Variants in PUDP observed in about 807,000 individuals in gnomAD.
PUDP encodes pseudouridine-5'-phosphatase.
PUDP carries 8 observed loss-of-function variants against 9.4 expected under a neutral mutation model. The observed-to-expected ratio is 0.85, with a 90% CI of 0.50 to 1.53. The LOEUF (loss-of-function observed/expected upper bound fraction) is 1.53. PUDP is among the 40% of genes most tolerant of loss of function. PUDP has a pLI of 0.00. For missense variants in PUDP, 188 were observed against 189.7 expected (o/e 0.99, Z 0.05); for synonymous variants, 99 against 80.7 (o/e 1.23, Z -1.22).
chrX:6,883,298 G>A (rs1927374324), intron 3 of PUDP, among the ~76,000 whole-genome samples: 1 of 111,224 alleles, frequency 9.0e-6, no homozygotes, highest in Non-Finnish European at 1.9e-5. Context: ...AAGGCAGGTG[G>A]ATCACTTGAG....
chrX:6,969,262 C>A (rs955583241), intron 3 of PUDP, among the ~76,000 whole-genome samples: 3 of 112,029 alleles, frequency 2.7e-5, no homozygotes, highest in Non-Finnish European at 5.6e-5. Flanking sequence ...TAGTCATGGG[C>A]CGGCATTTCA....
intron 1 of PUDP, among the ~76,000 whole-genome samples, chrX:7,029,954 G>A (rs1056929358): frequency 5.4e-5 from 6 of 110,298 alleles, no homozygotes; most frequent in Admixed American, 4.9e-4. Context: ...AATCCTCAGA[G>A]GACTATTTCT....
At chrX:7,045,517 C>T (rs1602727035), downstream of PUDP, among the ~76,000 whole-genome samples, 1 of 112,032 alleles carries the variant, frequency 8.9e-6, no homozygotes, top group East Asian at 2.8e-4. Flanking sequence ...TTCAAGCTCC[C>T]CAGTCGTCCC....
intron 3 of PUDP, among the ~76,000 whole-genome samples, chrX:6,957,242 C>A (rs776210967): frequency 4.5e-5 from 5 of 110,859 alleles, no homozygotes; most frequent in Non-Finnish European, 5.7e-5. Flanking sequence ...CCTGGAAGTT[C>A]AGGCATTGGA....
At chrX:7,022,215 G>A (rs1288272733) in intron 1 of PUDP, among the ~76,000 whole-genome samples, 1 of 111,483 alleles carries the variant, frequency 9.0e-6, no homozygotes, top group African/African-American at 3.3e-5. Context: ...AGTCCTGAGG[G>A]CAAAGGTGAT....
At chrX:6,749,068 A>G (rs995879984) in intron 3 of PUDP, among the ~76,000 whole-genome samples, 1 of 112,179 alleles carries the variant, frequency 8.9e-6, no homozygotes, top group Non-Finnish European at 1.9e-5. Flanking sequence ...TGAAGAAAGA[A>G]TGCAGGTATA....
intron 1 of PUDP, among the ~76,000 whole-genome samples, chrX:7,119,450 T>G (rs993326987): frequency 8.9e-6 from 1 of 112,698 alleles, no homozygotes. Flanking sequence ...AATGAATAAT[T>G]AAGCATAAAA....
chrX:6,801,573 C>T (rs781141307), intron 3 of PUDP, among the ~76,000 whole-genome samples: 2 of 111,110 alleles, frequency 1.8e-5, no homozygotes, highest in South Asian at 3.9e-4. Flanking sequence ...GTCAGTCCCC[C>T]TCGCCACACA....
chrX:6,978,351 A>AAGAG (rs5901332), intron 1 of PUDP, among the ~76,000 whole-genome samples: 1 of 109,137 alleles, frequency 9.2e-6, no homozygotes, highest in Admixed American at 9.8e-5. Flanking sequence ...TTTCTAAAAA[A>AAGAG]AGAGAGAGAG....
At chrX:6,774,638 T>C (rs765072603) in intron 3 of PUDP, among the ~76,000 whole-genome samples, 37 of 111,963 alleles carry the variant, frequency 3.3e-4, no homozygotes, top group African/African-American at 1.2e-3. Context: ...TTGGAGAGTC[T>C]CTGTTTCTGA....
At chrX:6,851,629 T>C (rs1926828569) in intron 3 of PUDP, among the ~76,000 whole-genome samples, 1 of 112,086 alleles carries the variant, frequency 8.9e-6, no homozygotes, top group Non-Finnish European at 1.9e-5. Context: ...TTTTAGCATG[T>C]AACACACAAT....
At chrX:6,804,538 T>C in intron 3 of PUDP, among the ~76,000 whole-genome samples, 1 of 112,085 alleles carries the variant, frequency 8.9e-6, no homozygotes, top group Non-Finnish European at 1.9e-5. Flanking sequence ...ACAAAAGTAC[T>C]GGAGATCCTC....
chrX:6,842,845 T>C (rs1481845074), intron 3 of PUDP, among the ~76,000 whole-genome samples: 1 of 112,406 alleles, frequency 8.9e-6, no homozygotes, highest in Non-Finnish European at 1.9e-5. Flanking sequence ...TTTAGTCTCA[T>C]TGGCTTCGGA....
At chrX:6,936,164 A>G (rs1435588668) in intron 3 of PUDP, among the ~76,000 whole-genome samples, 5 of 102,170 alleles carry the variant, frequency 4.9e-5, no homozygotes, top group Non-Finnish European at 8.0e-5. Flanking sequence ...TACCAAAGCC[A>G]GGCAGAGACA....
intron 3 of PUDP, among the ~76,000 whole-genome samples, chrX:6,901,491 C>T (rs911625247): frequency 4.5e-5 from 5 of 112,248 alleles, no homozygotes; most frequent in Non-Finnish European, 9.4e-5. Context: ...TATTTAAAAC[C>T]GTGTCTCTAC....
At chrX:7,082,109 C>G (rs1166660611) in intron 2 of PUDP, among the ~76,000 whole-genome samples, 2 of 112,001 alleles carry the variant, frequency 1.8e-5, no homozygotes, top group African/African-American at 3.2e-5. Flanking sequence ...ATTTGGTGTG[C>G]TTCCGTGGGT....
At chrX:6,744,961 A>C (rs1924982644) in intron 3 of PUDP, among the ~76,000 whole-genome samples, 1 of 112,274 alleles carries the variant, frequency 8.9e-6, no homozygotes, top group Non-Finnish European at 1.9e-5. Context: ...TAGATTGGCG[A>C]AAAGAATCAA....
chrX:6,900,335 G>GGC (rs1414458785), intron 3 of PUDP, among the ~76,000 whole-genome samples: 21 of 106,352 alleles, frequency 2.0e-4, no homozygotes, highest in Admixed American at 1.7e-3. Flanking sequence ...TTGGGGGGGG[G>GGC]GGCGCTGCTA....
intron 1 of PUDP, among the ~76,000 whole-genome samples, chrX:6,987,867 G>A (rs1371623982): frequency 1.8e-5 from 2 of 111,398 alleles, no homozygotes; most frequent in Non-Finnish European, 3.8e-5. Context: ...GCTTCCATCT[G>A]TTGACCATCT....
Sources: allele counts gnomAD v4.1 joint callset (sites outside exome capture counted in the v4.1 genomes callset), GRCh38; gene constraint gnomAD v4.1.1; transcripts MANE v1.5; gene names NCBI Gene and HGNC (gene_info 2026-07-23, HGNC 2026-07-21).